KAZN: variants seen among roughly 807,000 people sequenced by gnomAD.
KAZN encodes kazrin.
KAZN carries 40 observed loss-of-function variants against 87.4 expected under a neutral mutation model. That is an observed-to-expected ratio of 0.46 (90% CI 0.36 to 0.60). KAZN has a LOEUF of 0.60. Among genes scored for constraint, KAZN ranks in the 20% least tolerant of loss-of-function variants. The pLI is 0.00. For synonymous variants in KAZN, 466 were observed against 458.3 expected, an observed-to-expected ratio of 1.02 and a Z score of -0.22; for missense variants, 898 against 1,073.9, an observed-to-expected ratio of 0.84 and a Z score of 2.29.
rs1232361893 is a variant in KAZN at position 15,098,653 on chromosome 1, T to A, written c.1548-2890T>A. On this transcript the variant is annotated intron_variant, in intron 10 of 14. Coordinates refer to ENST00000376030, the MANE Select transcript of KAZN (RefSeq NM_201628.3). ...CAGCTCCTGCCCGAGAGAACCGTCC[T>A]GTAACAAGGCTGAGGCCGGCCCTTG... Among the ~76,000 whole-genome samples, 3 of 152,228 alleles carry A rather than the reference T, an allele frequency of 2.0e-5. No homozygotes were observed. In the East Asian group the frequency reaches 5.8e-4, roughly 29 times the overall value.
intron 1 of KAZN, among the ~76,000 whole-genome samples, chr1:14,714,376 G>A (rs1417560369): frequency 5.3e-5 from 8 of 152,022 alleles, no homozygotes; most frequent in Admixed American, 5.2e-4. Context: ...TGGCTGTGTT[G>A]GAGAGGCATT....
chr1:15,043,905 G>C, intron 3 of KAZN, 84 bp from the exon 4 acceptor site: 1 of 1,359,674 alleles, frequency 7.4e-7, no homozygotes, highest in Non-Finnish European at 9.9e-7. Flanking sequence ...TTCCATCTAG[G>C]AGTTAGGCCC....
chr1:14,305,484 C>T (rs183392932), intron 2 of KAZN, among the ~76,000 whole-genome samples: 22 of 152,166 alleles, frequency 1.4e-4, no homozygotes, highest in African/African-American at 5.3e-4. Flanking sequence ...ATCCTGCAGT[C>T]AAGATCAAAC....
chr1:14,696,015 T>G lies in KAZN; in HGVS notation c.226+96792T>G, dbSNP rs1361769234. Among the ~76,000 whole-genome samples, 5 of 152,342 alleles carry G rather than the reference T, an allele frequency of 3.3e-5. No homozygotes were observed. In the East Asian group the frequency reaches 9.6e-4, roughly 29 times the overall value. Reference sequence around the variant, plus strand: ...ACAACATGTTATATATAATTCAGTTTTCCTTTAGCTACTATATTAATTTTG... The same window carrying G: ...ACAACATGTTATATATAATTCAGTTGTCCTTTAGCTACTATATTAATTTTG... On this transcript the variant is annotated intron_variant, in intron 1 of 14. Transcript: ENST00000376030.
chr1:14,644,980 A>G (rs1476485152), intron 1 of KAZN, among the ~76,000 whole-genome samples: 2 of 152,138 alleles, frequency 1.3e-5, no homozygotes, highest in African/African-American at 4.8e-5. Flanking sequence ...ATTTGTGTAT[A>G]TGGTGTAAGG....
intron 3 of KAZN, among the ~76,000 whole-genome samples, chr1:15,038,719 A>C (rs1166871424): frequency 6.6e-6 from 1 of 152,126 alleles, no homozygotes; most frequent in Non-Finnish European, 1.5e-5. Flanking sequence ...CTACTGTATA[A>C]GGCATGACCG....
At chr1:14,801,158 G>T (rs1278474877) in intron 1 of KAZN, among the ~76,000 whole-genome samples, 1 of 152,104 alleles carries the variant, frequency 6.6e-6, no homozygotes, top group African/African-American at 2.4e-5. Flanking sequence ...GGCAGTGAGT[G>T]GGGGGCTTTC....
chr1:14,624,061 T>C (rs1185930770), intron 1 of KAZN, among the ~76,000 whole-genome samples: 1 of 152,226 alleles, frequency 6.6e-6, no homozygotes, highest in Non-Finnish European at 1.5e-5. Context: ...AGTAGGTCTA[T>C]ACTGTTATTC....
intron 2 of KAZN, among the ~76,000 whole-genome samples, chr1:14,409,389 G>A (rs948200230): frequency 7.9e-5 from 12 of 152,160 alleles, no homozygotes; most frequent in Non-Finnish European, 1.5e-4. Flanking sequence ...AAAGGTAGAT[G>A]GAGGAAAACC....
chr1:14,169,491 CAACTG>C (rs1285615416), intron 1 of KAZN, among the ~76,000 whole-genome samples: 1 of 152,186 alleles, frequency 6.6e-6, no homozygotes, highest in East Asian at 1.9e-4. Flanking sequence ...GGTGCCCAAT[CAACTG>C]GAGTGGAGTG....
intron 1 of KAZN, among the ~76,000 whole-genome samples, chr1:14,171,544 A>G (rs1367108022): frequency 6.6e-6 from 1 of 152,260 alleles, no homozygotes; most frequent in Non-Finnish European, 1.5e-5. Flanking sequence ...ACCATATTAA[A>G]GCAAGAACTG....
chr1:14,690,777 G>T (rs1175634898), intron 1 of KAZN, among the ~76,000 whole-genome samples: 2 of 152,136 alleles, frequency 1.3e-5, no homozygotes, highest in Non-Finnish European at 2.9e-5. Flanking sequence ...CAAGAAGACT[G>T]ACTCTGGAGA....
intron 1 of KAZN, among the ~76,000 whole-genome samples, chr1:14,605,708 C>T (rs1677305734): frequency 6.6e-6 from 1 of 152,144 alleles, no homozygotes; most frequent in African/African-American, 2.4e-5. Flanking sequence ...AAGGGTTGGT[C>T]TCGCTGTCTC....
chr1:14,140,940 C>T (rs1248789623), intron 1 of KAZN, among the ~76,000 whole-genome samples: 1 of 152,102 alleles, frequency 6.6e-6, no homozygotes, highest in African/African-American at 2.4e-5. Context: ...TTCTGCATCT[C>T]GCCTGCCAAG....
chr1:14,886,059 A>C (rs1364826453), intron 1 of KAZN, among the ~76,000 whole-genome samples: 1 of 152,070 alleles, frequency 6.6e-6, no homozygotes, highest in African/African-American at 2.4e-5. Flanking sequence ...CAAGCCATAA[A>C]GTCTCCAGAT....
intron 1 of KAZN, among the ~76,000 whole-genome samples, chr1:14,776,250 C>T (rs1482055675): frequency 1.3e-5 from 2 of 152,192 alleles, no homozygotes; most frequent in African/African-American, 2.4e-5. Context: ...GTGATCTGCC[C>T]GCTTCGGCCT....
intron 1 of KAZN, among the ~76,000 whole-genome samples, chr1:14,068,387 A>C (rs1643101779): frequency 6.6e-6 from 1 of 152,228 alleles, no homozygotes; most frequent in Admixed American, 6.5e-5. Flanking sequence ...AGACCCAGTT[A>C]GAAAAATACC....
intron 1 of KAZN, among the ~76,000 whole-genome samples, chr1:14,952,658 G>GCC (rs34565024): frequency 2.0e-5 from 3 of 151,760 alleles, no homozygotes; most frequent in African/African-American, 7.3e-5. Context: ...TCCACTCAGA[G>GCC]CCCCCCAAGC....
intron 1 of KAZN, among the ~76,000 whole-genome samples, chr1:14,163,637 G>T (rs773536016): frequency 2.6e-5 from 4 of 152,094 alleles, no homozygotes; most frequent in East Asian, 1.9e-4. Context: ...GGAGACTGCC[G>T]TTCCCTAGTG....
Sources: gnomAD v4.1 joint callset for allele counts (sites outside exome capture counted in the v4.1 genomes callset) on GRCh38, gnomAD v4.1.1 for gene constraint, MANE v1.5 for transcripts, NCBI Gene and HGNC (gene_info 2026-07-23, HGNC 2026-07-21) for gene names.